The following GPATCH2L variants were observed in gnomAD, a reference collection of about 807,000 sequenced individuals.
The protein encoded by GPATCH2L is G patch domain-containing protein 2-like.
Under a neutral mutation model 57.4 loss-of-function variants are expected in GPATCH2L, and 31 were observed. That is an observed-to-expected ratio of 0.54 (90% CI 0.41 to 0.73). GPATCH2L has a LOEUF of 0.73. GPATCH2L is among the 30% of genes least tolerant of loss of function. GPATCH2L has a pLI of 0.00. For synonymous variants in GPATCH2L, 199 were observed against 210.7 expected (o/e 0.94, Z 0.48); for missense variants, 481 against 599.9 (o/e 0.80, Z 2.07).
chr14:76,166,948 A>T (rs749401529), intron 3 of GPATCH2L, among the ~76,000 whole-genome samples: 17 of 151,968 alleles, frequency 1.1e-4, no homozygotes, highest in Admixed American at 7.9e-4. Flanking sequence ...CATTTTTCAC[A>T]AGCACCTGAA....
chr14:76,218,736 CAG>C (rs138110168), downstream of GPATCH2L, among the ~76,000 whole-genome samples: 17,316 of 150,730 alleles, frequency 0.11, 1,039 homozygotes, highest in Admixed American at 0.15. Context: ...GCAATTAAAA[CAG>C]AGTAGTAATA....
chr14:76,180,651 G>A (rs748854815), intron 7 of GPATCH2L, 113 bp from the exon 8 acceptor site: 20 of 737,784 alleles, frequency 2.7e-5, no homozygotes, highest in Non-Finnish European at 4.6e-5. Flanking sequence ...CCTGTGTTTG[G>A]TATAACAAGA....
At chr14:76,230,118 T>C (rs575512467) in intron 2 of GPATCH2L, among the ~76,000 whole-genome samples, 13 of 152,306 alleles carry the variant, frequency 8.5e-5, no homozygotes, top group African/African-American at 3.1e-4. Context: ...GGTTTCCTGG[T>C]GGGCACCTCA....
intron 2 of GPATCH2L, among the ~76,000 whole-genome samples, chr14:76,230,944 C>T (rs2040558457): frequency 6.6e-6 from 1 of 152,228 alleles, no homozygotes; most frequent in Admixed American, 6.5e-5. Flanking sequence ...TTCTGATAAT[C>T]ATTACTGATC....
chr14:76,220,006 G>A (rs1159473487), intron 1 of GPATCH2L, among the ~76,000 whole-genome samples: 3 of 152,086 alleles, frequency 2.0e-5, no homozygotes, highest in Non-Finnish European at 4.4e-5. Flanking sequence ...CAGGCAAATC[G>A]TGCATGAAAT....
intron 2 of GPATCH2L, among the ~76,000 whole-genome samples, chr14:76,231,368 CTT>C (rs1445078493): frequency 2.0e-5 from 3 of 152,140 alleles, no homozygotes; most frequent in African/African-American, 4.8e-5. Flanking sequence ...TTCATGTGAC[CTT>C]CTCTGTAGGT....
Position 76,164,694 on chromosome 14 carries a change from CT to C in GPATCH2L, c.663-1966del, listed in dbSNP as rs1347361227. Among the ~76,000 whole-genome samples, 3 of 152,234 alleles carry C rather than the reference CT, an allele frequency of 2.0e-5. No individual in the cohort carries two copies. The East Asian group carries it at 5.8e-4, about 29-fold the overall frequency. ...TTTTTGCTAGTTTGAAAACCATACCCTTTAATTGTACCTTGAAAGGCAAACA... is the reference window on the plus strand; with the variant it reads ...TTTTTGCTAGTTTGAAAACCATACCCTTAATTGTACCTTGAAAGGCAAACA... On this transcript the variant is annotated intron_variant, in intron 2 of 9. Transcript: ENST00000261530.
chr14:76,163,117 A>G (rs2038672928), intron 2 of GPATCH2L, among the ~76,000 whole-genome samples: 1 of 152,206 alleles, frequency 6.6e-6, no homozygotes, highest in African/African-American at 2.4e-5. Context: ...GTGGCCCTTC[A>G]GTGAACGCAT....
intron 8 of GPATCH2L, among the ~76,000 whole-genome samples, chr14:76,190,678 T>C (rs2039932536): frequency 6.6e-6 from 1 of 152,116 alleles, no homozygotes. Context: ...CTTAGATCTC[T>C]ATTATTGACT....
In GPATCH2L at chr14:76,202,193, C is replaced by T. The variant is rs1259497516; in HGVS notation, c.*342C>T. The T allele has an allele frequency of 5.6e-6, 1 of 180,014 alleles. No homozygotes were observed. The highest frequency in any genetic ancestry group is 1.2e-5 in the Non-Finnish European group (1 of 86,498). 11.2% of individuals were successfully genotyped at this position (180,014 alleles called of 1,614,324 possible). Reference sequence around the variant, plus strand: ...TTTGTTCTTGAAAAACCAGTAACTGCTTCTGCATACCTTTTGTGTAGAGCT... The same window carrying T: ...TTTGTTCTTGAAAAACCAGTAACTGTTTCTGCATACCTTTTGTGTAGAGCT... On this transcript the variant is annotated 3_prime_UTR_variant, in exon 10 of 10. Coordinates refer to ENST00000261530, the MANE Select transcript of GPATCH2L (RefSeq NM_017926.4).
intron 1 of GPATCH2L, among the ~76,000 whole-genome samples, chr14:76,220,636 G>A (rs374562942): frequency 3.3e-5 from 5 of 152,064 alleles, no homozygotes; most frequent in East Asian, 3.9e-4. Flanking sequence ...GTCAGAAGAG[G>A]TATTCTTTCC....
Position 76,204,405 on chromosome 14 carries a change from T to G in GPATCH2L, c.*2554T>G, listed in dbSNP as rs1566819789. 1 of 152,204 alleles carries G rather than the reference T, an allele frequency of 6.6e-6. No individual in the cohort carries two copies. The highest frequency in any genetic ancestry group is 1.5e-5 in the Non-Finnish European group (1 of 68,044). The allele number at this position is 152,204 out of a possible 1,614,324, so 9.4% of individuals were successfully genotyped here. ...ACACAAATACTTTCCAACACAGGGT[T>G]GTAAATTGTGCTCCTCATTTTAAGG... On this transcript the variant is annotated 3_prime_UTR_variant, in exon 10 of 10. Coordinates refer to ENST00000261530, the MANE Select transcript of GPATCH2L (RefSeq NM_017926.4).
rs561194121 is a variant in GPATCH2L at position 76,190,190 on chromosome 14, T to G, written c.1194-5688T>G. Reference sequence around the variant, plus strand: ...CCGGTTTCCTAAGTAACACTGCAGTTTTAACAACTCACCTGATCTTTCAGT... The same window carrying G: ...CCGGTTTCCTAAGTAACACTGCAGTGTTAACAACTCACCTGATCTTTCAGT... On this transcript the variant is annotated intron_variant, in intron 8 of 9. Transcript: ENST00000261530. Among the ~76,000 whole-genome samples the G allele has an allele frequency of 5.3e-5, 8 of 152,106 alleles. 1 individual carries two copies. The South Asian group carries it at 1.7e-3, about 32-fold the overall frequency.
In GPATCH2L at chr14:76,206,931, T is replaced by TCC. The variant is rs11398506; in HGVS notation, c.*5080_*5081insCC. ...TGTCTTTATTTCTCATATTTTTTTT[T>TCC]TCCCCTACAAGCTCCTGAAAGATCT... On this transcript the variant is annotated 3_prime_UTR_variant, in exon 10 of 10. Coordinates refer to ENST00000261530, the MANE Select transcript of GPATCH2L (RefSeq NM_017926.4). 1 of 152,142 alleles carries TCC rather than the reference T, an allele frequency of 6.6e-6. No individual in the cohort carries two copies. The highest frequency in any genetic ancestry group is 2.4e-5 in the African/African-American group (1 of 41,506). 9.4% of individuals were successfully genotyped at this position (152,142 alleles called of 1,614,324 possible).
At chr14:76,176,737 G>T in intron 6 of GPATCH2L, 47 bp downstream of exon 6, 1 of 1,236,838 alleles carries the variant, frequency 8.1e-7, no homozygotes, top group Non-Finnish European at 1.2e-6. Flanking sequence ...CTCCTTGGAG[G>T]AGGAGGCAGA....
chr14:76,179,840 A>C (rs1191985200), intron 7 of GPATCH2L: 1 of 152,086 alleles, frequency 6.6e-6, no homozygotes, highest in Non-Finnish European at 1.5e-5. Context: ...AGAAACTGAA[A>C]TTATACTCTG....
chr14:76,170,451 A>G (rs1202158311), intron 3 of GPATCH2L: 2 of 152,248 alleles, frequency 1.3e-5, no homozygotes, highest in Non-Finnish European at 2.9e-5. Flanking sequence ...AGTAGAAAGA[A>G]GTTTGTACTA....
chr14:76,159,430 C>T (rs1465495157), intron 2 of GPATCH2L, among the ~76,000 whole-genome samples: 3 of 152,132 alleles, frequency 2.0e-5, no homozygotes, highest in African/African-American at 4.8e-5. Context: ...CCTTGGTCCC[C>T]TTCTCTACTC....
chr14:76,215,497 C>G (rs1189111672), downstream of GPATCH2L, among the ~76,000 whole-genome samples: 2 of 151,322 alleles, frequency 1.3e-5, no homozygotes, highest in Non-Finnish European at 3.0e-5. Flanking sequence ...TTCACAATAG[C>G]AAAGACTTGG....
Sources: gnomAD v4.1 joint callset for allele counts (sites outside exome capture counted in the v4.1 genomes callset) on GRCh38, gnomAD v4.1.1 for gene constraint, MANE v1.5 for transcripts, NCBI Gene and HGNC (gene_info 2026-07-23, HGNC 2026-07-21) for gene names.